ARHGAP39: variants seen among roughly 807,000 people sequenced by gnomAD.
The protein encoded by ARHGAP39 is Rho GTPase activating protein 39, also known as rho GTPase-activating protein 39.
ARHGAP39 carries 44 observed loss-of-function variants against 106.9 expected under a neutral mutation model. The ratio of observed to expected loss-of-function variants is 0.41; its 90% confidence interval spans 0.32 to 0.53. The LOEUF is 0.53. ARHGAP39 is among the 20% of genes least tolerant of loss of function. The pLI is 0.21. For missense variants in ARHGAP39, 1,496 were observed against 1,577.3 expected, an observed-to-expected ratio of 0.95 and a Z score of 0.87; for synonymous variants, 768 against 693.2, an observed-to-expected ratio of 1.11 and a Z score of -1.69.
chr8:144,691,374 C>T, the ARHGAP39 span, among the ~76,000 whole-genome samples: 1 of 152,168 alleles, frequency 6.6e-6, no homozygotes, highest in Non-Finnish European at 1.5e-5. Context: ...ATGCCAATGT[C>T]TTTGGTCTGG....
chr8:144,621,595 T>C (rs751548496), intron 1 of ARHGAP39, among the ~76,000 whole-genome samples: 20 of 152,166 alleles, frequency 1.3e-4, no homozygotes, highest in Non-Finnish European at 1.6e-4. Flanking sequence ...GGCAGGCAGA[T>C]TGCTTCAGCC....
chr8:144,626,745 C>T (rs1231988191), intron 1 of ARHGAP39, among the ~76,000 whole-genome samples: 1 of 152,246 alleles, frequency 6.6e-6, no homozygotes, highest in Non-Finnish European at 1.5e-5. Context: ...GTCTGCCCTC[C>T]TACCGGGGAC....
intron 6 of ARHGAP39, among the ~76,000 whole-genome samples, chr8:144,539,212 C>T (rs768813521): frequency 6.6e-5 from 10 of 152,294 alleles, no homozygotes; most frequent in South Asian, 4.1e-4. Context: ...CCTGTGTGCA[C>T]GCTAACTCCT....
chr8:144,627,556 A>AAAG (rs1820956174), intron 1 of ARHGAP39, among the ~76,000 whole-genome samples: 3 of 144,472 alleles, frequency 2.1e-5, no homozygotes, highest in Admixed American at 1.4e-4. Flanking sequence ...CTCCATCTCA[A>AAAG]AAAAAAAAAA....
chr8:144,616,641 G>A (rs1820644273), intron 1 of ARHGAP39, among the ~76,000 whole-genome samples: 1 of 152,224 alleles, frequency 6.6e-6, no homozygotes, highest in South Asian at 2.1e-4. Flanking sequence ...CAGCCAGGAG[G>A]TGGGGAGGGC....
upstream of ARHGAP39, among the ~76,000 whole-genome samples, chr8:144,689,214 G>T (rs1483714658): frequency 1.3e-5 from 2 of 152,010 alleles, no homozygotes; most frequent in Non-Finnish European, 2.9e-5. Context: ...GCATCACAGG[G>T]TGCCTGCAAG....
intron 3 of ARHGAP39, among the ~76,000 whole-genome samples, chr8:144,578,935 G>A (rs1323443937): frequency 5.3e-5 from 8 of 152,108 alleles, no homozygotes; most frequent in African/African-American, 1.2e-4. Flanking sequence ...GGGGCCAGGC[G>A]TGGTGGCTCA....
At position 144,547,202 on chromosome 8, in the gene ARHGAP39, G is replaced by A. The variant is rs1356626224; in HGVS notation, c.1884C>T (p.Pro628=). ...RRGTFEKLGF[P]QILLEKSVSV... ...AGACGCTCTTCTCCAGCAGGATCTG[G>A]GGGAAGCCTAGCTTCTCGAAGGTGC... Residue 628 remains proline (P), a synonymous_variant, in exon 5 of 12, where the codon CCC becomes CCT. Coordinates refer to ENST00000377307, the MANE Select transcript of ARHGAP39 (RefSeq NM_025251.3). This position sits in a 1 kb window ranked among gnomAD's most constrained non-coding sequence, Gnocchi z 5.2. 3 of 1,612,328 alleles carry A rather than the reference G, an allele frequency of 1.9e-6. No homozygotes were observed. The highest frequency in any genetic ancestry group is 4.5e-5 in the East Asian group (2 of 44,866).
At chr8:144,599,127 G>C (rs1198591041) in intron 2 of ARHGAP39, among the ~76,000 whole-genome samples, 1 of 152,232 alleles carries the variant, frequency 6.6e-6, no homozygotes. Context: ...GAAGCCCCAA[G>C]GACAGCACAT....
At position 144,581,003 on chromosome 8, in the gene ARHGAP39, A is replaced by C. The variant is rs767673753; in HGVS notation, c.355T>G (p.Ser119Ala). The C allele has an allele frequency of 2.5e-6, 4 of 1,593,066 alleles. No homozygotes were observed. Among genetic ancestry groups the C allele is most frequent in the Non-Finnish European group, 3.4e-6 (4 of 1,170,600 alleles). The stretch of plus-strand genomic sequence containing the variant: ...CCGCGCCCGGGGCTGCTCTCCGCCG[A>C]GGCGCGCGGGGACTCCGTGTTCTGC... ...LKQNTESPRASAESSPGRGSS... is the reference protein window; with the variant it reads ...LKQNTESPRAAAESSPGRGSS... Residue 119 changes from serine (S) to alanine (A), a missense_variant, in exon 3 of 12, where the codon TCG becomes GCG. Physicochemically the swap from Ser to Ala is moderately conservative, Grantham distance 99. This residue lies in a region of ARHGAP39 where 905 missense variants were observed against 816.4 expected (regional missense o/e 1.11). Transcript: ENST00000377307.
In ARHGAP39 at chr8:144,547,933, G is replaced by C. The variant is rs1171744589; in HGVS notation, c.1153C>G (p.Leu385Val). ...TCCTTGCCGGCGGGACTGTACTCCAGGCTCAGGAAGCGCTCGGGACACTTC... is the reference window on the plus strand; with the variant it reads ...TCCTTGCCGGCGGGACTGTACTCCACGCTCAGGAAGCGCTCGGGACACTTC... ...KQKCPERFLS[L>V]EYSPAGKEYV... Residue 385 changes from leucine (L) to valine (V), a missense_variant, in exon 5 of 12, where the codon CTG becomes GTG. Leu to Val is a conservative substitution (Grantham distance 32). This residue lies in a region of ARHGAP39 where 905 missense variants were observed against 816.4 expected (regional missense o/e 1.11). Transcript: ENST00000377307. This position sits in a 1 kb window ranked among gnomAD's most constrained non-coding sequence, Gnocchi z 5.2. 3.1e-6 allele frequency: 5 copies of C among 1,591,626 alleles called. No individual in the cohort carries two copies. Among genetic ancestry groups the C allele is most frequent in the African/African-American group, 1.3e-5 (1 of 74,464 alleles).
intron 2 of ARHGAP39, among the ~76,000 whole-genome samples, chr8:144,582,211 C>T (rs1176072357): frequency 2.6e-5 from 4 of 152,280 alleles, no homozygotes; most frequent in East Asian, 1.9e-4. Flanking sequence ...GGGCTGCCTG[C>T]GGCTCCCCCA....
intron 3 of ARHGAP39, among the ~76,000 whole-genome samples, chr8:144,556,301 A>G (rs1409491249): frequency 1.3e-5 from 2 of 151,814 alleles, no homozygotes; most frequent in African/African-American, 4.8e-5. Context: ...AAAAAAAAAA[A>G]AAAAGAAATA....
At position 144,585,670 on chromosome 8, in the gene ARHGAP39, A is replaced by G. The variant is rs112416429; in HGVS notation, c.81-4393T>C. 0.069 allele frequency among the ~76,000 whole-genome samples: 10,481 copies of G among 152,248 alleles called. 1,183 individuals carry two copies. The highest frequency in any genetic ancestry group is 0.23 in the African/African-American group (9,746 of 41,516). ...GAGAGGATTCAGGCTTGGCGGGGCC[A>G]GGACCTCCCGCCCATGGTGCCACGC... On this transcript the variant is annotated intron_variant, in intron 2 of 11. Transcript: ENST00000377307. This position sits in a 1 kb window ranked among gnomAD's most constrained non-coding sequence, Gnocchi z 4.6.
At chr8:144,689,218 C>T (rs1208963766), upstream of ARHGAP39, among the ~76,000 whole-genome samples, 2 of 151,948 alleles carry the variant, frequency 1.3e-5, no homozygotes, top group Non-Finnish European at 2.9e-5. Flanking sequence ...CACAGGGTGC[C>T]TGCAAGTTTG....
At chr8:144,616,780 G>T (rs1327162307) in intron 1 of ARHGAP39, among the ~76,000 whole-genome samples, 1 of 152,240 alleles carries the variant, frequency 6.6e-6, no homozygotes, top group Non-Finnish European at 1.5e-5. Context: ...GTGGTGCAGG[G>T]TATTTTTCTT....
chr8:144,669,843 C>T (rs1822057027), intron 1 of ARHGAP39, among the ~76,000 whole-genome samples: 1 of 152,212 alleles, frequency 6.6e-6, no homozygotes, highest in Non-Finnish European at 1.5e-5. Context: ...ACTGAGATGG[C>T]TTTAATCAGA....
rs998148002 is a variant in ARHGAP39, at chr8:144,548,221, G to A, written c.865C>T (p.Leu289=). ...CCGGAGGGCTTTCGGGGCTGGGCCA[G>A]CAGCGGGGAGCTGCTCCCTGGGAGC... is the stretch of plus-strand genomic sequence containing the variant. ...AELPGSSSPL[L]AQPRKPSGDS... is the part of the protein sequence containing the mutation. Residue 289 remains leucine, a synonymous_variant, in exon 5 of 12, where the codon CTG becomes TTG. Transcript: ENST00000377307. This position sits in a 1 kb window ranked among gnomAD's most constrained non-coding sequence, Gnocchi z 7.4. 9 of 1,603,918 alleles carry A rather than the reference G, an allele frequency of 5.6e-6. No individual in the cohort carries two copies. Among genetic ancestry groups the A allele is most frequent in the Middle Eastern group, 1.7e-4 (1 of 6,008 alleles).
intron 6 of ARHGAP39, among the ~76,000 whole-genome samples, chr8:144,543,669 C>G (rs1210807604): frequency 1.3e-5 from 2 of 152,242 alleles, no homozygotes; most frequent in East Asian, 3.8e-4. Context: ...AGGCCAGGAC[C>G]CCACAGGTGT....
Sources: allele counts gnomAD v4.1 joint callset (sites outside exome capture counted in the v4.1 genomes callset), GRCh38; gene constraint gnomAD v4.1.1; regional missense constraint gnomAD v4.1.1; non-coding constraint Gnocchi (gnomAD v3.1); transcripts MANE v1.5; gene names NCBI Gene and HGNC (gene_info 2026-07-23, HGNC 2026-07-21).